Variants in APBB2 observed in about 807,000 individuals in gnomAD.
APBB2 encodes amyloid beta precursor protein binding family B member 2, also known as Fe65-like 1.
APBB2 carries 38 observed loss-of-function variants against 82.5 expected under a neutral mutation model. The ratio of observed to expected loss-of-function variants is 0.46; its 90% CI spans 0.36 to 0.60. The LOEUF (loss-of-function observed/expected upper bound fraction) is 0.60. Among genes scored for constraint, APBB2 ranks in the 20% least tolerant of loss-of-function variants. APBB2 has a pLI of 0.00. For synonymous variants in APBB2, 341 were observed against 368.2 expected (o/e 0.93, Z 0.85); for missense variants, 772 against 972.3 (o/e 0.79, Z 2.74).
At chr4:41,130,732 T>G (rs149357497) in intron 2 of APBB2, among the ~76,000 whole-genome samples, 2 of 152,122 alleles carry the variant, frequency 1.3e-5, no homozygotes, top group East Asian at 3.9e-4. Flanking sequence ...TCTCCTCGAG[T>G]GCCTACCGAT....
intron 4 of APBB2, among the ~76,000 whole-genome samples, chr4:41,037,288 C>T (rs1051391926): frequency 1.3e-5 from 2 of 151,816 alleles, no homozygotes; most frequent in African/African-American, 2.4e-5. Flanking sequence ...GAATACTTGG[C>T]GTGGAAAAAA....
chr4:40,985,012 C>T (rs563503787), intron 6 of APBB2, among the ~76,000 whole-genome samples: 31 of 152,054 alleles, frequency 2.0e-4, no homozygotes, highest in African/African-American at 7.2e-4. Context: ...GCCTCAACCT[C>T]GTGGCTCAAG....
At chr4:41,029,722 G>A (rs1579378391) in intron 5 of APBB2, among the ~76,000 whole-genome samples, 1 of 152,122 alleles carries the variant, frequency 6.6e-6, no homozygotes, top group African/African-American at 2.4e-5. Context: ...AAATAAGTAA[G>A]AAATGTTATT....
intron 3 of APBB2, among the ~76,000 whole-genome samples, chr4:41,084,236 C>T (rs1008576262): frequency 6.6e-6 from 1 of 152,020 alleles, no homozygotes; most frequent in Non-Finnish European, 1.5e-5. Context: ...ACCAGCCTGG[C>T]CAACATGAAG....
chr4:40,984,161 C>T (rs1799810409), intron 6 of APBB2, among the ~76,000 whole-genome samples: 1 of 152,166 alleles, frequency 6.6e-6, no homozygotes, highest in South Asian at 2.1e-4. Flanking sequence ...AGTATACATA[C>T]TGTACGACAC....
intron 6 of APBB2, among the ~76,000 whole-genome samples, chr4:40,956,588 T>C (rs1791698857): frequency 6.6e-6 from 1 of 151,780 alleles, no homozygotes; most frequent in African/African-American, 2.4e-5. Flanking sequence ...AACTTCCCTG[T>C]GGTAGCATTA....
chr4:40,856,973 C>G, intron 12 of APBB2: 14 of 985,588 alleles, frequency 1.4e-5, no homozygotes, highest in Middle Eastern at 5.2e-4. Flanking sequence ...CCCCCGTTCC[C>G]CCTGAACGCA....
chr4:40,874,512 G>A (rs1766348915), intron 12 of APBB2, among the ~76,000 whole-genome samples: 1 of 152,102 alleles, frequency 6.6e-6, no homozygotes, highest in Non-Finnish European at 1.5e-5. Flanking sequence ...GGAGGCGGGG[G>A]CAGGGCGGGG....
At chr4:40,844,675 C>T (rs894501121) in intron 12 of APBB2, among the ~76,000 whole-genome samples, 18 of 152,180 alleles carry the variant, frequency 1.2e-4, no homozygotes, top group Admixed American at 7.2e-4. Flanking sequence ...TTTACAAGAT[C>T]AGCAAAGGAC....
chr4:41,148,098 A>T (rs1289786651), intron 1 of APBB2, among the ~76,000 whole-genome samples: 1 of 152,244 alleles, frequency 6.6e-6, no homozygotes, highest in Non-Finnish European at 1.5e-5. Context: ...TTTCAAAAAG[A>T]ATCTATCACA....
At chr4:41,000,861 T>G (rs540016018) in intron 6 of APBB2, among the ~76,000 whole-genome samples, 1 of 146,882 alleles carries the variant, frequency 6.8e-6, no homozygotes, top group African/African-American at 2.5e-5. Flanking sequence ...CACACAAAGT[T>G]AAAAAAAAAA....
At chr4:41,174,993 A>G (rs1012176023) in intron 1 of APBB2, among the ~76,000 whole-genome samples, 3 of 152,268 alleles carry the variant, frequency 2.0e-5, no homozygotes, top group African/African-American at 7.2e-5. Context: ...GTCTTTTTTC[A>G]TTCATTATCA....
At chr4:40,926,118 T>C (rs530053345) in intron 10 of APBB2, among the ~76,000 whole-genome samples, 2 of 152,380 alleles carry the variant, frequency 1.3e-5, no homozygotes, top group South Asian at 2.1e-4. Flanking sequence ...AGAAAGACTA[T>C]GTCTACTTCG....
At chr4:40,816,554 A>G (rs1368899898) in intron 17 of APBB2, among the ~76,000 whole-genome samples, 1 of 152,236 alleles carries the variant, frequency 6.6e-6, no homozygotes, top group Non-Finnish European at 1.5e-5. Context: ...CAATGAGCTA[A>G]TGAAACCAGA....
chr4:41,148,067 G>T (rs917714198), intron 1 of APBB2, among the ~76,000 whole-genome samples: 2 of 151,732 alleles, frequency 1.3e-5, no homozygotes, highest in Non-Finnish European at 2.9e-5. Flanking sequence ...AAGAATGAGG[G>T]TTCGTTAAAA....
intron 2 of APBB2, among the ~76,000 whole-genome samples, chr4:41,105,878 C>T (rs1360128474): frequency 2.8e-4 from 39 of 137,444 alleles, no homozygotes; most frequent in South Asian, 1.2e-3. Context: ...AGAGCGAGAC[C>T]CCGTCTCAAA....
intron 3 of APBB2, among the ~76,000 whole-genome samples, chr4:41,082,567 C>CT (rs74266115): frequency 4.5e-5 from 5 of 110,518 alleles, no homozygotes; most frequent in African/African-American, 1.6e-4. Context: ...AGTTATGTTT[C>CT]TTTTTTTTTT....
rs75265979 is a variant in APBB2 at position 41,189,631 on chromosome 4, A to G, written c.-417+24774T>C. ...AAAATCAAGCAATAAAAGCATCTCA[A>G]CAAATTAAAGTCCTCAGTACAAGTA... On this transcript the variant is annotated intron_variant, in intron 1 of 17. Coordinates refer to ENST00000508593, the MANE Select transcript of APBB2 (RefSeq NM_004307.2). Among the ~76,000 whole-genome samples the G allele has an allele frequency of 2.6e-3, 401 of 152,320 alleles. 4 individuals are homozygous for G. Among genetic ancestry groups the G allele is most frequent in the South Asian group, 0.023 (113 of 4,822 alleles).
intron 6 of APBB2, among the ~76,000 whole-genome samples, chr4:40,987,496 T>C (rs899492947): frequency 3.0e-4 from 45 of 152,236 alleles, no homozygotes; most frequent in Admixed American, 5.2e-4. Context: ...GATAAGATGG[T>C]CTATTTCATA....
Sources: gnomAD v4.1 joint callset for allele counts (sites outside exome capture counted in the v4.1 genomes callset) on GRCh38, gnomAD v4.1.1 for gene constraint, MANE v1.5 for transcripts, NCBI Gene and HGNC (gene_info 2026-07-23, HGNC 2026-07-21) for gene names.